Variants in NEMP2 observed in about 807,000 individuals in gnomAD.
NEMP2 encodes the protein UPF0571 transmembrane protein.
Under a neutral mutation model 54.2 loss-of-function variants are expected in NEMP2, and 53 were observed. The ratio of observed to expected loss-of-function variants is 0.98; its 90% CI spans 0.78 to 1.23. The LOEUF is 1.23. NEMP2 is among the 50% of genes most tolerant of loss of function. NEMP2 has a pLI of 0.00. For missense variants in NEMP2, 455 were observed against 511.3 expected, an observed-to-expected ratio of 0.89 and a Z score of 1.06; for synonymous variants, 197 against 190.3, an observed-to-expected ratio of 1.04 and a Z score of -0.29.
chr2:190,559,992 A>G, the NEMP2 span, among the ~76,000 whole-genome samples: 1 of 152,220 alleles, frequency 6.6e-6, no homozygotes, highest in Non-Finnish European at 1.5e-5. The surrounding 1 kb of genome is among the most constrained non-coding windows in gnomAD (Gnocchi z 4.0). Context: ...TCAGGTCTCC[A>G]AGCCTGCAGC....
At chr2:190,648,753 CG>C in the NEMP2 span, 1 of 151,176 alleles carries the variant, frequency 6.6e-6, no homozygotes, top group African/African-American at 2.4e-5. Flanking sequence ...CGCCCACTCC[CG>C]GCGCCCACTT....
the NEMP2 span, among the ~76,000 whole-genome samples, chr2:190,498,621 A>C: frequency 6.6e-6 from 1 of 152,228 alleles, no homozygotes; most frequent in Non-Finnish European, 1.5e-5. The surrounding 1 kb of genome is among the most constrained non-coding windows in gnomAD (Gnocchi z 5.9). Context: ...ATTTATCAAG[A>C]TAATAAACTC....
At chr2:190,604,001 A>C in the NEMP2 span, among the ~76,000 whole-genome samples, 2 of 152,208 alleles carry the variant, frequency 1.3e-5, no homozygotes, top group Non-Finnish European at 2.9e-5. This position sits in a 1 kb window ranked among gnomAD's most constrained non-coding sequence, Gnocchi z 4.5. Context: ...AATCATTTTT[A>C]CTTAATGAAC....
the NEMP2 span, among the ~76,000 whole-genome samples, chr2:190,475,164 A>G: frequency 6.6e-6 from 1 of 152,200 alleles, no homozygotes; most frequent in African/African-American, 2.4e-5. Context: ...CAAGACAGGG[A>G]TGCCCTCTCT....
the NEMP2 span, among the ~76,000 whole-genome samples, chr2:190,440,080 T>C: frequency 2.6e-4 from 39 of 152,338 alleles, no homozygotes; most frequent in African/African-American, 8.9e-4. Context: ...CCTTTATGCA[T>C]GCATGTATAT....
chr2:190,497,946 G>T, the NEMP2 span: 2 of 405,544 alleles, frequency 4.9e-6, no homozygotes, highest in Non-Finnish European at 8.8e-6. This position sits in a 1 kb window ranked among gnomAD's most constrained non-coding sequence, Gnocchi z 5.2. Flanking sequence ...AAACTTCAGA[G>T]GTTATGATTC....
the NEMP2 span, among the ~76,000 whole-genome samples, chr2:190,543,294 T>C: frequency 6.6e-6 from 1 of 152,186 alleles, no homozygotes; most frequent in Non-Finnish European, 1.5e-5. The surrounding 1 kb of genome is among the most constrained non-coding windows in gnomAD (Gnocchi z 4.7). Context: ...GTCACTCTCA[T>C]TTGATATCTC....
At chr2:190,637,062 G>C in the NEMP2 span, among the ~76,000 whole-genome samples, 1 of 152,202 alleles carries the variant, frequency 6.6e-6, no homozygotes, top group Non-Finnish European at 1.5e-5. The surrounding 1 kb of genome is among the most constrained non-coding windows in gnomAD (Gnocchi z 4.5). Flanking sequence ...CCAAGTGCCA[G>C]CCCAGGCCTA....
the NEMP2 span, among the ~76,000 whole-genome samples, chr2:190,602,762 T>A: frequency 2.6e-5 from 4 of 152,120 alleles, no homozygotes; most frequent in Non-Finnish European, 5.9e-5. Flanking sequence ...GGAGAAAGGC[T>A]GTTGTGTTAG....
rs1690304965 is a variant in NEMP2 at position 190,510,102 on chromosome 2, T to G, written c.1130+259A>C. Among the ~76,000 whole-genome samples, 1 of 152,182 alleles carries G rather than the reference T, an allele frequency of 6.6e-6. No homozygotes were observed. The highest frequency in any genetic ancestry group is 1.5e-5 in the Non-Finnish European group (1 of 68,020). Reference sequence around the variant, plus strand: ...AGGGTGAGAAGCAGGTCACACATCCTATTCCACCTTCCCTTCGCATAGGGA... The same window carrying G: ...AGGGTGAGAAGCAGGTCACACATCCGATTCCACCTTCCCTTCGCATAGGGA... On this transcript the variant is annotated intron_variant, in intron 8 of 8. Coordinates refer to ENST00000409150, the MANE Select transcript of NEMP2 (RefSeq NM_001142645.2). This position sits in a 1 kb window ranked among gnomAD's most constrained non-coding sequence, Gnocchi z 5.7.
the NEMP2 span, among the ~76,000 whole-genome samples, chr2:190,548,620 T>C: frequency 6.6e-6 from 1 of 152,246 alleles, no homozygotes; most frequent in African/African-American, 2.4e-5. Context: ...TATTTTTCAA[T>C]CTTGAGTAAT....
At chr2:190,470,687 CTAAGGAGACAAATGCGGTG>C in the NEMP2 span, among the ~76,000 whole-genome samples, 1 of 152,100 alleles carries the variant, frequency 6.6e-6, no homozygotes, top group African/African-American at 2.4e-5. Flanking sequence ...TTCCCTTACC[CTAAGGAGACAAATGCGGTG>C]TAATCAATGT....
the NEMP2 span, among the ~76,000 whole-genome samples, chr2:190,455,518 G>GATCTGC: frequency 6.6e-6 from 1 of 152,116 alleles, no homozygotes; most frequent in Admixed American, 6.5e-5. Flanking sequence ...GCAGTTTGTT[G>GATCTGC]ATCTGCACGA....
downstream of NEMP2, chr2:190,499,821 G>A (rs916956449): frequency 7.8e-6 from 12 of 1,535,886 alleles, no homozygotes; most frequent in East Asian, 2.5e-5. The surrounding 1 kb of genome is among the most constrained non-coding windows in gnomAD (Gnocchi z 6.0). Flanking sequence ...TTTTTCATGC[G>A]GCTCTGGCAG....
the NEMP2 span, among the ~76,000 whole-genome samples, chr2:190,640,589 T>C: frequency 6.6e-6 from 1 of 152,172 alleles, no homozygotes; most frequent in South Asian, 2.1e-4. Flanking sequence ...ACAATATAAT[T>C]CAAACTGTAA....
In NEMP2 at chr2:190,530,488, C is replaced by A. The variant is rs1481787166; in HGVS notation, c.97+4071G>T. ...AGCTTCAAGTCAGTTCATTAAGCCA[C>A]GGGCTATTTGGACTAGGCAAAAGAC... On this transcript the variant is annotated intron_variant, in intron 1 of 8. Coordinates refer to ENST00000409150, the MANE Select transcript of NEMP2 (RefSeq NM_001142645.2). This position sits in a 1 kb window ranked among gnomAD's most constrained non-coding sequence, Gnocchi z 4.6. 6.6e-6 allele frequency among the ~76,000 whole-genome samples: 1 copy of A among 152,184 alleles called. No individual in the cohort carries two copies. The highest frequency in any genetic ancestry group is 1.5e-5 in the Non-Finnish European group (1 of 68,034).
At chr2:190,552,581 G>A in the NEMP2 span, among the ~76,000 whole-genome samples, 339 of 152,222 alleles carry the variant, frequency 2.2e-3, 3 homozygotes, top group African/African-American at 7.5e-3. Flanking sequence ...ATAGCCAGGA[G>A]TGGTGGCACA....
Position 190,521,047 on chromosome 2 carries a change from G to A in NEMP2, c.214-1864C>T, listed in dbSNP as rs995942330. 2.0e-5 allele frequency among the ~76,000 whole-genome samples: 3 copies of A among 152,168 alleles called. No homozygotes were observed. The highest frequency in any genetic ancestry group is 7.2e-5 in the African/African-American group (3 of 41,418). On this transcript the variant is annotated intron_variant, in intron 2 of 8. Transcript: ENST00000409150. The surrounding 1 kb of genome is among the most constrained non-coding windows in gnomAD (Gnocchi z 6.2). ...TTCTACTCCTGCATTTGCATCACCAGTGTGCTAGAGAAGTGCACACTGGTC... is the reference window on the plus strand; with the variant it reads ...TTCTACTCCTGCATTTGCATCACCAATGTGCTAGAGAAGTGCACACTGGTC...
chr2:190,609,954 T>G, the NEMP2 span: 9 of 152,150 alleles, frequency 5.9e-5, no homozygotes, highest in African/African-American at 1.9e-4. This position sits in a 1 kb window ranked among gnomAD's most constrained non-coding sequence, Gnocchi z 4.7. Context: ...AGTTGTCTAG[T>G]CTTAAGTTTG....
Sources: gnomAD v4.1 joint callset for allele counts (sites outside exome capture counted in the v4.1 genomes callset) on GRCh38, gnomAD v4.1.1 for gene constraint, Gnocchi (gnomAD v3.1) non-coding constraint, MANE v1.5 for transcripts, NCBI Gene and HGNC (gene_info 2026-07-23, HGNC 2026-07-21) for gene names.